SLC25A29: variants seen among roughly 807,000 people sequenced by gnomAD.
The protein encoded by SLC25A29 is solute carrier family 25 member 29.
In SLC25A29, 13 loss-of-function variants were observed where a neutral mutation model predicts 10.0. That is an observed-to-expected ratio of 1.30 (90% confidence interval 0.85 to 2.07). The LOEUF (loss-of-function observed/expected upper bound fraction) is 2.07, where lower values mean the gene tolerates loss of function less well. Among genes scored for constraint, SLC25A29 ranks in the 30% most tolerant of loss-of-function variants. The pLI is 0.00. For missense variants in SLC25A29, 475 were observed against 447.6 expected, an observed-to-expected ratio of 1.06 and a Z score of -0.55; for synonymous variants, 244 against 221.1, an observed-to-expected ratio of 1.10 and a Z score of -0.92.
chr14:100,283,619 G>A, the SLC25A29 span, among the ~76,000 whole-genome samples: 4 of 151,856 alleles, frequency 2.6e-5, no homozygotes, highest in Non-Finnish European at 5.9e-5. Flanking sequence ...CTGAATAGCA[G>A]GAGGTTGTGT....
At position 100,292,761 on chromosome 14, in the gene SLC25A29, T is replaced by C; in HGVS notation, c.434A>G (p.Glu145Gly). ...LDCLAQIYGHEGLRGVNRGMV... is the reference protein window; with the variant it reads ...LDCLAQIYGHGGLRGVNRGMV... ...GCCCCGGTTGACGCCACGCAGACCCTCGTGCCCGTAGATCTGCGCGAGGCA... is the reference window on the plus strand; with the variant it reads ...GCCCCGGTTGACGCCACGCAGACCCCCGTGCCCGTAGATCTGCGCGAGGCA... Residue 145 changes from glutamate (E) to glycine (G), a missense_variant, in exon 4 of 4, where the codon GAG becomes GGG. Glu to Gly is a moderately conservative substitution (Grantham distance 98). Transcript: ENST00000359232. The C allele has an allele frequency of 6.2e-7, 1 of 1,601,346 alleles. No individual in the cohort carries two copies.
chr14:100,293,091 G>T (rs1891879716), intron 3 of SLC25A29, 59 bp from the exon 4 acceptor site: 1 of 1,471,762 alleles, frequency 6.8e-7, no homozygotes, highest in Non-Finnish European at 9.0e-7. Flanking sequence ...CCCTCCACGC[G>T]GAAGGGGGTC....
chr14:100,280,749 A>T, the SLC25A29 span: 2 of 152,158 alleles, frequency 1.3e-5, no homozygotes, highest in African/African-American at 4.8e-5. Context: ...CAAGTAGATG[A>T]GAGTCACTTC....
At position 100,292,448 on chromosome 14, in the gene SLC25A29, C is replaced by G. The variant is rs1288623295; in HGVS notation, c.747G>C (p.Arg249=). 1 of 1,579,960 alleles carries G rather than the reference C, an allele frequency of 6.3e-7. No individual in the cohort carries two copies. Among genetic ancestry groups the G allele is most frequent in the African/African-American group, 1.3e-5 (1 of 74,568 alleles). ...CGCGCAGCAGCGTGGACGCCAGCCC[C>G]CGTGTGAAGACGCGCCAGCCCTCGG... ...YRAEGWRVFT[R]GLASTLLRAF... Residue 249 remains arginine, a synonymous_variant, in exon 4 of 4, where the codon CGG becomes CGC. Transcript: ENST00000359232.
At chr14:100,279,950 G>A in the SLC25A29 span, 13 of 152,300 alleles carry the variant, frequency 8.5e-5, no homozygotes, top group African/African-American at 3.1e-4. Flanking sequence ...TCCCTTGGGG[G>A]TGCCTTTGGT....
downstream of SLC25A29, among the ~76,000 whole-genome samples, chr14:100,288,950 C>CTA (rs1359323545): frequency 6.6e-6 from 1 of 152,158 alleles, no homozygotes; most frequent in Non-Finnish European, 1.5e-5. Context: ...TGAGGTCATA[C>CTA]TACAGTAGGG....
downstream of SLC25A29, among the ~76,000 whole-genome samples, chr14:100,286,814 CT>C (rs2139635759): frequency 6.6e-6 from 1 of 152,372 alleles, no homozygotes; most frequent in East Asian, 1.9e-4. Context: ...CAGGCCCCCT[CT>C]GGTTCTTGCA....
Position 100,303,027 on chromosome 14 carries a change from C to G in SLC25A29, c.34+3172G>C, listed in dbSNP as rs545124608. 2.0e-5 allele frequency among the ~76,000 whole-genome samples: 3 copies of G among 152,278 alleles called. No individual in the cohort carries two copies. In the East Asian group the frequency reaches 5.8e-4, roughly 29 times the overall value. On this transcript the variant is annotated intron_variant, in intron 1 of 3. Coordinates refer to ENST00000359232, the MANE Select transcript of SLC25A29 (RefSeq NM_001039355.3). ...AGACCTGTTCCTTCTTCTTCCAGAG[C>G]CTCTAACATTCACAGGTGAATGAAG...
intron 1 of SLC25A29, among the ~76,000 whole-genome samples, chr14:100,304,092 T>C (rs1408891872): frequency 1.3e-5 from 2 of 152,122 alleles, no homozygotes; most frequent in African/African-American, 4.8e-5. Context: ...TGACCCACAC[T>C]AGGCGAATAG....
At chr14:100,279,193 A>AG in the SLC25A29 span, 1 of 152,250 alleles carries the variant, frequency 6.6e-6, no homozygotes, top group Non-Finnish European at 1.5e-5. Context: ...GCCATGATAC[A>AG]GCAAAATCTC....
Position 100,296,283 on chromosome 14 carries a change from G to A in SLC25A29, c.78+2559C>T, listed in dbSNP as rs548663328. ...ACTAATAACTTCAAAAAAAACATGA[G>A]CTAGGCATGGTGGTGTGTGCCTGTA... On this transcript the variant is annotated intron_variant, in intron 2 of 3. Transcript: ENST00000359232. 5 of 315,322 alleles carry A rather than the reference G, an allele frequency of 1.6e-5. No homozygotes were observed. In the East Asian group the frequency reaches 3.3e-4, roughly 21 times the overall value. 19.5% of individuals were successfully genotyped at this position (315,322 alleles called of 1,614,324 possible).
At chr14:100,287,631 C>G (rs1045300058), downstream of SLC25A29, among the ~76,000 whole-genome samples, 6 of 98,654 alleles carry the variant, frequency 6.1e-5, 1 homozygote, top group South Asian at 1.1e-3. Context: ...GAGCACCACC[C>G]CCCCCCTCCG....
the SLC25A29 span, chr14:100,282,233 T>G: frequency 6.6e-6 from 1 of 152,030 alleles, no homozygotes; most frequent in Admixed American, 6.6e-5. Flanking sequence ...GCACACTGAT[T>G]GATTTTCCAC....
chr14:100,283,774 C>A, the SLC25A29 span, among the ~76,000 whole-genome samples: 1 of 152,134 alleles, frequency 6.6e-6, no homozygotes, highest in Non-Finnish European at 1.5e-5. Flanking sequence ...AACCACCGTG[C>A]CTGGCCTGGA....
the SLC25A29 span, among the ~76,000 whole-genome samples, chr14:100,286,061 C>T: frequency 1.2e-4 from 18 of 152,202 alleles, no homozygotes; most frequent in Non-Finnish European, 2.5e-4. Flanking sequence ...GCCCCAGCCC[C>T]TCTCCAGCCC....
At chr14:100,305,942 C>G (rs1892910884) in intron 1 of SLC25A29, 1 of 380,756 alleles carries the variant, frequency 2.6e-6, no homozygotes, top group Non-Finnish European at 4.7e-6. Context: ...TCCGCTCAGC[C>G]ACGGTGCTGC....
the SLC25A29 span, among the ~76,000 whole-genome samples, chr14:100,285,668 C>T: frequency 6.6e-6 from 1 of 152,038 alleles, no homozygotes; most frequent in Non-Finnish European, 1.5e-5. Flanking sequence ...GCTGCGTGCA[C>T]CCCACCTGCC....
Position 100,292,333 on chromosome 14 carries a change from C to G in SLC25A29, c.862G>C (p.Val288Leu). 6.7e-7 allele frequency: 1 copy of G among 1,493,466 alleles called. No homozygotes were observed. The highest frequency in any genetic ancestry group is 1.4e-5 in the African/African-American group (1 of 70,452). The allele number at this position is 1,493,466 out of a possible 1,614,324, so 92.5% of individuals were successfully genotyped here. ...GEEAGPEGEA[V>L]PAAPAGPALA... The stretch of plus-strand genomic sequence containing the variant: ...GCAGGCCCCGCAGGGGCGGCGGGCA[C>G]AGCCTCGCCCTCGGGCCCGGCCTCC... The change falls in exon 4 of 4, where the codon GTG (valine) becomes CTG (leucine). Residue 288 changes from valine (V) to leucine (L), a missense_variant. Val to Leu is a conservative substitution (Grantham distance 32, BLOSUM62 1). Coordinates refer to ENST00000359232, the MANE Select transcript of SLC25A29 (RefSeq NM_001039355.3).
chr14:100,296,765 AT>A, intron 2 of SLC25A29, among the ~76,000 whole-genome samples: 1 of 152,062 alleles, frequency 6.6e-6, no homozygotes, highest in East Asian at 1.9e-4. Flanking sequence ...CGCCCGGCTA[AT>A]TTTTTGTATG....
Sources: gnomAD v4.1 joint callset for allele counts (sites outside exome capture counted in the v4.1 genomes callset) on GRCh38, gnomAD v4.1.1 for gene constraint, MANE v1.5 for transcripts, NCBI Gene and HGNC (gene_info 2026-07-23, HGNC 2026-07-21) for gene names.